KIRREL3: variants seen among roughly 807,000 people sequenced by gnomAD.
KIRREL3 encodes kin of IRRE-like protein 3.
A neutral mutation model predicts 89.7 loss-of-function variants in KIRREL3; 36 were observed. The observed-to-expected ratio is 0.40, with a 90% confidence interval of 0.31 to 0.53. KIRREL3 has a LOEUF of 0.53. Among genes scored for constraint, KIRREL3 ranks in the 20% least tolerant of loss-of-function variants. The pLI is 0.49. For synonymous variants in KIRREL3, 445 were observed against 441.4 expected (o/e 1.01, Z -0.10); for missense variants, 864 against 1,056.6 (o/e 0.82, Z 2.53).
At chr11:126,671,988 C>A (rs559554508) in intron 1 of KIRREL3, among the ~76,000 whole-genome samples, 40 of 152,184 alleles carry the variant, frequency 2.6e-4, no homozygotes, top group Non-Finnish European at 5.1e-4. Context: ...GTTTATAGTA[C>A]CTTTACTTGC....
rs959143349 is a variant in KIRREL3 at position 126,643,580 on chromosome 11, A to G, written c.56-80668T>C. On this transcript the variant is annotated intron_variant, in intron 1 of 16. Coordinates refer to ENST00000525144, the MANE Select transcript of KIRREL3 (RefSeq NM_032531.4). The surrounding 1 kb of genome is among the most constrained non-coding windows in gnomAD (Gnocchi z 4.5). ...GCAAATCTTTATCTCTACACTGATG[A>G]TATAGACTTGATCCTTGGGCAAAAG... Among the ~76,000 whole-genome samples the G allele has an allele frequency of 2.0e-5, 3 of 152,228 alleles. No homozygotes were observed. The highest frequency in any genetic ancestry group is 7.2e-5 in the African/African-American group (3 of 41,462).
At chr11:126,992,722 T>G (rs954903129) in intron 1 of KIRREL3, among the ~76,000 whole-genome samples, 4 of 152,236 alleles carry the variant, frequency 2.6e-5, no homozygotes, top group Non-Finnish European at 5.9e-5. Context: ...TAGGTTTTTG[T>G]GCTCACCTGC....
chr11:126,575,791 A>G lies in KIRREL3; in HGVS notation c.56-12879T>C, dbSNP rs994605779. Among the ~76,000 whole-genome samples, 4 of 152,070 alleles carry G rather than the reference A, an allele frequency of 2.6e-5. No individual in the cohort carries two copies. Among genetic ancestry groups the G allele is most frequent in the Non-Finnish European group, 5.9e-5 (4 of 68,000 alleles). On this transcript the variant is annotated intron_variant, in intron 1 of 16. Transcript: ENST00000525144. This position sits in a 1 kb window ranked among gnomAD's most constrained non-coding sequence, Gnocchi z 7.0. Reference sequence around the variant, plus strand: ...AGGGATTCTCACACCCCTCTCAAGCATCACATTTCATTCATAGTTCAAGAG... The same window carrying G: ...AGGGATTCTCACACCCCTCTCAAGCGTCACATTTCATTCATAGTTCAAGAG...
Position 126,769,884 on chromosome 11 carries a change from GTAATAACACA to G in KIRREL3, c.56-206982_56-206973del, listed in dbSNP as rs1257706738. ...TGATTTCCTCATTTATAAGATAAAG[GTAATAACACA>G]TACCCAGGGGGGTTGGCTTGGCGGA... On this transcript the variant is annotated intron_variant, in intron 1 of 16. Coordinates refer to ENST00000525144, the MANE Select transcript of KIRREL3 (RefSeq NM_032531.4). This position sits in a 1 kb window ranked among gnomAD's most constrained non-coding sequence, Gnocchi z 4.3. Among the ~76,000 whole-genome samples, 1 of 152,164 alleles carries G rather than the reference GTAATAACACA, an allele frequency of 6.6e-6. No individual in the cohort carries two copies. The highest frequency in any genetic ancestry group is 2.4e-5 in the African/African-American group (1 of 41,408).
intron 1 of KIRREL3, among the ~76,000 whole-genome samples, chr11:126,781,899 G>A (rs897972062): frequency 1.3e-5 from 2 of 152,198 alleles, no homozygotes; most frequent in Non-Finnish European, 2.9e-5. Flanking sequence ...TGGGGTTGCT[G>A]AAAATTTCCC....
At chr11:126,964,064 C>T (rs1949187723) in intron 1 of KIRREL3, among the ~76,000 whole-genome samples, 1 of 152,150 alleles carries the variant, frequency 6.6e-6, no homozygotes, top group Non-Finnish European at 1.5e-5. Context: ...TTTTCATTTT[C>T]CATCTCTAGC....
Position 126,558,842 on chromosome 11 carries a change from G to C in KIRREL3, c.133+3993C>G, listed in dbSNP as rs1425906266. Among the ~76,000 whole-genome samples the C allele has an allele frequency of 6.6e-6, 1 of 152,168 alleles. No individual in the cohort carries two copies. Among genetic ancestry groups the C allele is most frequent in the Non-Finnish European group, 1.5e-5 (1 of 68,026 alleles). On this transcript the variant is annotated intron_variant, in intron 2 of 16. Transcript: ENST00000525144. The surrounding 1 kb of genome is among the most constrained non-coding windows in gnomAD (Gnocchi z 4.0). ...CGTGTGTGCACACATGTGGGTGTATGTGTGCATGTGTATACATGTGTGCAG... is the reference window on the plus strand; with the variant it reads ...CGTGTGTGCACACATGTGGGTGTATCTGTGCATGTGTATACATGTGTGCAG...
intron 1 of KIRREL3, among the ~76,000 whole-genome samples, chr11:126,855,340 T>TTA (rs942756996): frequency 3.3e-5 from 5 of 152,190 alleles, no homozygotes; most frequent in African/African-American, 1.2e-4. Context: ...CTCCTGCGCC[T>TTA]TCTCTCTCTT....
rs181615855 is a variant in KIRREL3, at chr11:126,565,744, G to A, written c.56-2832C>T. Among the ~76,000 whole-genome samples the A allele has an allele frequency of 6.4e-4, 98 of 152,284 alleles. No individual in the cohort carries two copies. Among genetic ancestry groups the A allele is most frequent in the South Asian group, 2.3e-3 (11 of 4,812 alleles). The stretch of plus-strand genomic sequence containing the variant: ...TTGGGTTCACATGAGTGTGCCAGCA[G>A]GGAGTGAAGTGGGGGAAGGGAGGGG... On this transcript the variant is annotated intron_variant, in intron 1 of 16. Coordinates refer to ENST00000525144, the MANE Select transcript of KIRREL3 (RefSeq NM_032531.4). This position sits in a 1 kb window ranked among gnomAD's most constrained non-coding sequence, Gnocchi z 5.4.
chr11:126,443,752 C>T lies in KIRREL3; in HGVS notation c.1252+1227G>A, dbSNP rs1011139649. 6.6e-6 allele frequency among the ~76,000 whole-genome samples: 1 copy of T among 152,092 alleles called. No homozygotes were observed. The highest frequency in any genetic ancestry group is 2.4e-5 in the African/African-American group (1 of 41,402). ...TGGGTAGAGAGGAAGCTGAAGCCCA[C>T]GAGCTAATTTGGAGACCTCAGGAGG... On this transcript the variant is annotated intron_variant, in intron 10 of 16. Coordinates refer to ENST00000525144, the MANE Select transcript of KIRREL3 (RefSeq NM_032531.4). This position sits in a 1 kb window ranked among gnomAD's most constrained non-coding sequence, Gnocchi z 7.3.
intron 15 of KIRREL3, among the ~76,000 whole-genome samples, chr11:126,426,923 T>G (rs1954961859): frequency 6.6e-6 from 1 of 152,184 alleles, no homozygotes; most frequent in Non-Finnish European, 1.5e-5. Flanking sequence ...GTCTGCCCCT[T>G]CTTGCAGATG....
At chr11:126,577,048 G>T (rs995610053) in intron 1 of KIRREL3, among the ~76,000 whole-genome samples, 1 of 152,216 alleles carries the variant, frequency 6.6e-6, no homozygotes, top group East Asian at 1.9e-4. Context: ...CAACCTCTGG[G>T]TGGGGGATGG....
At chr11:126,921,963 A>C (rs1490474627) in intron 1 of KIRREL3, among the ~76,000 whole-genome samples, 1 of 139,896 alleles carries the variant, frequency 7.1e-6, no homozygotes, top group East Asian at 2.2e-4. Context: ...CTGTATATCT[A>C]TATCTATCTA....
Position 126,437,108 on chromosome 11 carries a change from T to A in KIRREL3, c.1354-99A>T, listed in dbSNP as rs1028598535. The A allele has an allele frequency of 1.3e-5, 14 of 1,118,994 alleles. No individual in the cohort carries two copies. In the Admixed American group the frequency reaches 4.1e-4, roughly 33 times the overall value. 69.3% of individuals were successfully genotyped at this position (1,118,994 alleles called of 1,614,324 possible). Reference sequence around the variant, plus strand: ...GCCACTGTCCTGCTCATGTTCATGCTCACTGCCACACACTAACACATGTGC... The same window carrying A: ...GCCACTGTCCTGCTCATGTTCATGCACACTGCCACACACTAACACATGTGC... On this transcript the variant is annotated intron_variant, in intron 11 of 16. Coordinates refer to ENST00000525144, the MANE Select transcript of KIRREL3 (RefSeq NM_032531.4).
rs1221370593 is a variant in KIRREL3, at chr11:126,430,636, G to A, written c.1696+783C>T. Among the ~76,000 whole-genome samples the A allele has an allele frequency of 6.6e-6, 1 of 152,132 alleles. No homozygotes were observed. Among genetic ancestry groups the A allele is most frequent in the East Asian group, 1.9e-4 (1 of 5,192 alleles). On this transcript the variant is annotated intron_variant, in intron 14 of 16. Transcript: ENST00000525144. This position sits in a 1 kb window ranked among gnomAD's most constrained non-coding sequence, Gnocchi z 6.6. ...GAACAGCTTTCTTCAAACATGTGCA[G>A]GCTGCCGAGTGGCAGAGGAGCAGAC...
Position 126,492,625 on chromosome 11 carries a change from C to A in KIRREL3, c.434-19159G>T, listed in dbSNP as rs976327352. Among the ~76,000 whole-genome samples, 5 of 152,148 alleles carry A rather than the reference C, an allele frequency of 3.3e-5. No homozygotes were observed. The highest frequency in any genetic ancestry group is 1.2e-4 in the African/African-American group (5 of 41,428). On this transcript the variant is annotated intron_variant, in intron 4 of 16. Transcript: ENST00000525144. This position sits in a 1 kb window ranked among gnomAD's most constrained non-coding sequence, Gnocchi z 4.8. Reference sequence around the variant, plus strand: ...CTCAGCTGTTGGAGGGGAACAGCCACCAGGCCATTTTTATGACTTCCTATC... The same window carrying A: ...CTCAGCTGTTGGAGGGGAACAGCCAACAGGCCATTTTTATGACTTCCTATC...
intron 1 of KIRREL3, among the ~76,000 whole-genome samples, chr11:126,806,627 G>A (rs920778642): frequency 2.6e-5 from 4 of 152,104 alleles, no homozygotes; most frequent in Non-Finnish European, 4.4e-5. Context: ...GGGATAATAC[G>A]AGCATTACTA....
At chr11:126,725,008 GGGTTTCAGT>G (rs1255572262) in intron 1 of KIRREL3, among the ~76,000 whole-genome samples, 2 of 152,186 alleles carry the variant, frequency 1.3e-5, no homozygotes, top group African/African-American at 4.8e-5. Flanking sequence ...GAGAGGTGAG[GGGTTTCAGT>G]GGAAAGTGGC....
rs1004640823 is a variant in KIRREL3, at chr11:126,608,159, G to T, written c.56-45247C>A. On this transcript the variant is annotated intron_variant, in intron 1 of 16. Coordinates refer to ENST00000525144, the MANE Select transcript of KIRREL3 (RefSeq NM_032531.4). This position sits in a 1 kb window ranked among gnomAD's most constrained non-coding sequence, Gnocchi z 4.9. Reference sequence around the variant, plus strand: ...GCTGGGTGCCAATTCCAGGAATGCAGCTGGAGGTGGGGGCGGGCCATGGTG... The same window carrying T: ...GCTGGGTGCCAATTCCAGGAATGCATCTGGAGGTGGGGGCGGGCCATGGTG... Among the ~76,000 whole-genome samples, 1 of 152,314 alleles carries T rather than the reference G, an allele frequency of 6.6e-6. No individual in the cohort carries two copies. Among genetic ancestry groups the T allele is most frequent in the East Asian group, 1.9e-4 (1 of 5,168 alleles).
Sources: gnomAD v4.1 joint callset for allele counts (sites outside exome capture counted in the v4.1 genomes callset) on GRCh38, gnomAD v4.1.1 for gene constraint, Gnocchi (gnomAD v3.1) non-coding constraint, MANE v1.5 for transcripts, NCBI Gene and HGNC (gene_info 2026-07-23, HGNC 2026-07-21) for gene names.